Variants in CCM2 observed in about 807,000 individuals in gnomAD.
The protein encoded by CCM2 is cerebral cavernous malformations 2 protein.
A neutral mutation model predicts 44.9 loss-of-function variants in CCM2; 25 were observed. That is an observed-to-expected ratio of 0.56 (90% CI 0.41 to 0.78). The LOEUF (loss-of-function observed/expected upper bound fraction) is 0.78. Ranked by LOEUF, CCM2 falls within the 30% of genes least tolerant of loss-of-function variation. The pLI, the probability that CCM2 is intolerant of heterozygous loss-of-function variation, is 0.00. For synonymous variants in CCM2, 219 were observed against 241.1 expected, an observed-to-expected ratio of 0.91 and a Z score of 0.85; for missense variants, 481 against 580.6, an observed-to-expected ratio of 0.83 and a Z score of 1.76.
chr7:45,008,699 C>G (rs1041489284), intron 1 of CCM2, among the ~76,000 whole-genome samples: 1 of 152,120 alleles, frequency 6.6e-6, no homozygotes, highest in African/African-American at 2.4e-5. Context: ...TTGGTCAGGT[C>G]TAAGTGTCAG....
intron 2 of CCM2, among the ~76,000 whole-genome samples, chr7:45,043,458 T>A (rs1797607028): frequency 6.6e-6 from 1 of 151,990 alleles, no homozygotes; most frequent in Admixed American, 6.6e-5. Context: ...AACAAAAAAA[T>A]TATACACCGT....
chr7:45,075,550 G>A (rs1279678394), intron 9 of CCM2, among the ~76,000 whole-genome samples: 1 of 152,236 alleles, frequency 6.6e-6, no homozygotes, highest in East Asian at 1.9e-4. Flanking sequence ...TAAGCTGTCA[G>A]GGCCAGCAGC....
In CCM2 at chr7:45,021,571, A is replaced by AT. The variant is rs569094981; in HGVS notation, c.31-16682_31-16681insT. Among the ~76,000 whole-genome samples, 220 of 151,658 alleles carry AT rather than the reference A, an allele frequency of 1.5e-3. 1 individual carries two copies. The highest frequency in any genetic ancestry group is 4.9e-3 in the African/African-American group (204 of 41,418). On this transcript the variant is annotated intron_variant, in intron 1 of 9. Transcript: ENST00000258781. ...AGAGCGAGGCTCTTTCTCAAAAAAA[A>AT]AAAATAAAATAAAATAAATAATAAA...
In CCM2 at chr7:45,068,508, G is replaced by A; in HGVS notation, c.538G>A (p.Gly180Ser). Reference sequence around the variant, plus strand: ...GGAAAGTTCCAGAGGCCTCAGTGCAGGCTCCCTGTCGGAGAGTGCAGTTGG... The same window carrying A: ...GGAAAGTTCCAGAGGCCTCAGTGCAAGCTCCCTGTCGGAGAGTGCAGTTGG... ...CAESSRGLSA[G>S]SLSESAVGPV... The change falls in exon 5 of 10, where the codon GGC (glycine) becomes AGC (serine). Residue 180 changes from glycine (G) to serine (S), a missense_variant. Transcript: ENST00000258781. 6.2e-7 allele frequency: 1 copy of A among 1,614,206 alleles called. No homozygotes were observed. The highest frequency in any genetic ancestry group is 8.5e-7 in the Non-Finnish European group (1 of 1,180,032).
At position 45,038,237 on chromosome 7, in the gene CCM2, C is replaced by T. The variant is rs762409710; in HGVS notation, c.31-16C>T. On this transcript the variant is annotated splice_polypyrimidine_tract_variant and intron_variant, in intron 1 of 9. Coordinates refer to ENST00000258781, the MANE Select transcript of CCM2 (RefSeq NM_031443.4). ...TGTAAATAATGAACTCCAATCATTG[C>T]CGTTTCTGCCTGCAGCCTGGAATTG... is the stretch of plus-strand genomic sequence containing the variant. The T allele has an allele frequency of 4.3e-6, 7 of 1,613,548 alleles. No individual in the cohort carries two copies. The South Asian group carries it at 7.7e-5, about 18-fold the overall frequency.
At chr7:45,063,299 C>G (rs1405248171) in intron 2 of CCM2, 1 of 153,720 alleles carries the variant, frequency 6.5e-6, no homozygotes, top group Admixed American at 6.5e-5. Flanking sequence ...TTCGAACTCC[C>G]AACCTCAGGT....
At chr7:45,038,583 A>T (rs1035371589) in intron 2 of CCM2, among the ~76,000 whole-genome samples, 157 bp downstream of exon 2, 4 of 152,210 alleles carry the variant, frequency 2.6e-5, no homozygotes, top group African/African-American at 7.2e-5. Context: ...TAAATTTAAT[A>T]ATTGGATAAC....
chr7:45,007,369 C>T (rs1330859202), intron 1 of CCM2, among the ~76,000 whole-genome samples: 1 of 152,138 alleles, frequency 6.6e-6, no homozygotes, highest in African/African-American at 2.4e-5. Flanking sequence ...TAGCGCGCTT[C>T]GCACTCCTTG....
At chr7:45,008,604 C>A (rs1284475210) in intron 1 of CCM2, among the ~76,000 whole-genome samples, 1 of 151,328 alleles carries the variant, frequency 6.6e-6, no homozygotes, top group Non-Finnish European at 1.5e-5. Flanking sequence ...TCAGGTGATC[C>A]ACCTACCTCG....
In CCM2 at chr7:45,000,354, G is replaced by A. The variant is rs1365334723; in HGVS notation, c.21G>A (p.Lys7=). ...GCGATATGGAAGAGGAGGGCAAGAA[G>A]GGCAAGAAGGTGAGCGTGCGCGGGG... is the stretch of plus-strand genomic sequence containing the variant. MEEEGK[K]GKKPGIVSPF... The change falls in exon 1 of 10, where the codon AAG becomes AAA. Residue 7 remains lysine, a synonymous_variant. Transcript: ENST00000258781. 1.8e-5 allele frequency: 24 copies of A among 1,304,786 alleles called. No individual in the cohort carries two copies. The highest frequency in any genetic ancestry group is 2.3e-5 in the Non-Finnish European group (23 of 1,018,598). 80.8% of individuals were successfully genotyped at this position (1,304,786 alleles called of 1,614,324 possible). A position where few individuals can be genotyped will look rare whatever the true frequency, so the allele number is the denominator to read the frequency against.
At chr7:45,034,981 C>T (rs988680185) in intron 1 of CCM2, among the ~76,000 whole-genome samples, 2 of 152,170 alleles carry the variant, frequency 1.3e-5, no homozygotes, top group African/African-American at 2.4e-5. Flanking sequence ...GTACTACATG[C>T]GTGAACCACC....
At chr7:45,073,398 G>A in intron 7 of CCM2, 62 bp from the exon 8 acceptor site, 2 of 1,141,158 alleles carry the variant, frequency 1.8e-6, no homozygotes, top group South Asian at 2.5e-5. Context: ...TAGGTTTCCT[G>A]AAACGTGTGT....
intron 1 of CCM2, among the ~76,000 whole-genome samples, chr7:45,006,832 T>A (rs891905651): frequency 1.3e-5 from 2 of 152,168 alleles, no homozygotes; most frequent in Admixed American, 6.5e-5. Context: ...CCTGCTAAAT[T>A]TACCTTGATC....
At chr7:45,031,104 C>T (rs1796944608) in intron 1 of CCM2, among the ~76,000 whole-genome samples, 1 of 151,706 alleles carries the variant, frequency 6.6e-6, no homozygotes, top group Non-Finnish European at 1.5e-5. Flanking sequence ...GGGCCTTGCC[C>T]AGGTGCAGTG....
At chr7:45,060,876 C>T (rs545702680) in intron 2 of CCM2, among the ~76,000 whole-genome samples, 3 of 152,264 alleles carry the variant, frequency 2.0e-5, no homozygotes, top group Non-Finnish European at 4.4e-5. Flanking sequence ...CCATATTAAT[C>T]GTAGTTGTTT....
intron 2 of CCM2, among the ~76,000 whole-genome samples, chr7:45,050,291 C>T (rs1013512353): frequency 7.8e-4 from 119 of 152,228 alleles, no homozygotes; most frequent in African/African-American, 2.8e-3. Flanking sequence ...TGTAATTACA[C>T]TCTGTGATGT....
intron 1 of CCM2, among the ~76,000 whole-genome samples, chr7:45,030,843 C>T (rs1186902755): frequency 6.6e-6 from 1 of 152,122 alleles, no homozygotes. Context: ...CCTGCCTCAG[C>T]CTCCCGAGTA....
intron 1 of CCM2, 77 bp downstream of exon 1, chr7:45,000,440 T>G (rs899217262): frequency 8.5e-5 from 10 of 117,758 alleles, no homozygotes; most frequent in Non-Finnish European, 1.4e-4. Flanking sequence ...GGTGGGCGGG[T>G]GTTCCTTGGG....
chr7:45,038,549 CA>C, intron 2 of CCM2, 123 bp downstream of exon 2: 1 of 979,270 alleles, frequency 1.0e-6, no homozygotes, highest in Non-Finnish European at 1.6e-6. Context: ...TTGATTATCC[CA>C]CCCATTGTCT....
Sources: allele counts gnomAD v4.1 joint callset (sites outside exome capture counted in the v4.1 genomes callset), GRCh38; gene constraint gnomAD v4.1.1; transcripts MANE v1.5; gene names NCBI Gene and HGNC (gene_info 2026-07-23, HGNC 2026-07-21).